The following LIPI variants were observed in gnomAD, a reference collection of about 807,000 sequenced individuals.
LIPI encodes lipase member I.
Under a neutral mutation model 50.6 loss-of-function variants are expected in LIPI, and 59 were observed. That is an observed-to-expected ratio of 1.16 (90% CI 0.94 to 1.45). The LOEUF is 1.45. LIPI is among the 40% of genes most tolerant of loss of function. LIPI has a pLI of 0.00. For missense variants in LIPI, 586 were observed against 536.3 expected (o/e 1.09, Z -0.92); for synonymous variants, 203 against 178.2 (o/e 1.14, Z -1.11).
intron 1 of LIPI, among the ~76,000 whole-genome samples, chr21:14,207,481 T>C (rs1247576146): frequency 1.3e-5 from 2 of 152,304 alleles, no homozygotes; most frequent in Non-Finnish European, 2.9e-5. Context: ...AACTCATTTA[T>C]GCAAATGTTA....
At chr21:14,201,339 A>C (rs976286671) in intron 1 of LIPI, among the ~76,000 whole-genome samples, 1 of 152,126 alleles carries the variant, frequency 6.6e-6, no homozygotes, top group African/African-American at 2.4e-5. Flanking sequence ...AATGGGAGAA[A>C]ATTTTTGCAA....
intron 1 of LIPI, among the ~76,000 whole-genome samples, chr21:14,192,433 C>T (rs1012308709): frequency 6.6e-6 from 1 of 152,166 alleles, no homozygotes; most frequent in Admixed American, 6.5e-5. Flanking sequence ...CACTGCACTC[C>T]AGCCTGGGTA....
In LIPI at chr21:14,196,582, T is replaced by C. The variant is rs917950776; in HGVS notation, c.47-7163A>G. Reference sequence around the variant, plus strand: ...TGGCTCACATCTGTAATCCCAGAACTCTGGGAGGCCAAGGCAGGAGAATAG... The same window carrying C: ...TGGCTCACATCTGTAATCCCAGAACCCTGGGAGGCCAAGGCAGGAGAATAG... On this transcript the variant is annotated intron_variant, in intron 1 of 9. Transcript: ENST00000681601. 3.9e-5 allele frequency among the ~76,000 whole-genome samples: 6 copies of C among 152,222 alleles called. No individual in the cohort carries two copies. In the East Asian group the frequency reaches 1.2e-3, roughly 29 times the overall value.
intron 7 of LIPI, among the ~76,000 whole-genome samples, chr21:14,156,910 A>G (rs2018293096): frequency 6.6e-6 from 1 of 151,918 alleles, no homozygotes; most frequent in African/African-American, 2.4e-5. Context: ...ATGAATAAGG[A>G]TGTTAATCTT....
chr21:14,150,266 T>C (rs903213118), intron 8 of LIPI, among the ~76,000 whole-genome samples: 4 of 152,210 alleles, frequency 2.6e-5, no homozygotes, highest in Non-Finnish European at 5.9e-5. Context: ...TGGGGATTAC[T>C]ACAATTCAAG....
intron 4 of LIPI, among the ~76,000 whole-genome samples, chr21:14,171,888 C>G (rs543836260): frequency 3.3e-5 from 5 of 149,354 alleles, no homozygotes; most frequent in African/African-American, 1.2e-4. Flanking sequence ...AACTAAAGAG[C>G]TTCTGCACAG....
chr21:14,191,765 T>C (rs556047557), intron 1 of LIPI, among the ~76,000 whole-genome samples: 3 of 152,172 alleles, frequency 2.0e-5, no homozygotes, highest in Admixed American at 6.5e-5. Flanking sequence ...CCCTAGAAAA[T>C]AGAACCTTAG....
intron 1 of LIPI, among the ~76,000 whole-genome samples, chr21:14,189,997 T>G (rs1269668164): frequency 6.6e-6 from 1 of 152,096 alleles, no homozygotes; most frequent in African/African-American, 2.4e-5. Flanking sequence ...TTAACAAATC[T>G]TTTTCTTAAT....
At chr21:14,187,514 G>A (rs977435738) in intron 2 of LIPI, among the ~76,000 whole-genome samples, 6 of 152,032 alleles carry the variant, frequency 3.9e-5, no homozygotes, top group Non-Finnish European at 8.8e-5. Context: ...GTAAGCAAAG[G>A]CACTGTTAGA....
At chr21:14,132,015 G>C (rs2017314556) in intron 9 of LIPI, among the ~76,000 whole-genome samples, 1 of 151,848 alleles carries the variant, frequency 6.6e-6, no homozygotes, top group Non-Finnish European at 1.5e-5. Context: ...AATCCAGTCG[G>C]GCAAAAAACA....
chr21:14,210,823 CAAAG>C lies in LIPI; in HGVS notation c.19_22del (p.Leu7ValfsTer2). On this transcript the variant is annotated frameshift_variant, in exon 1 of 10. Transcript: ENST00000681601. LOFTEE classifies it high-confidence loss of function. ...ACCAGATCTCACCCAGCACATCAAA[CAAAG>C]AAAAATGTATACTCTCATTTGGAAT... 8.1e-7 allele frequency: 1 copy of C among 1,228,080 alleles called. No homozygotes were observed. The highest frequency in any genetic ancestry group is 1.0e-6 in the Non-Finnish European group (1 of 953,774). The allele number at this position is 1,228,080 out of a possible 1,614,324, so 76.1% of individuals were successfully genotyped here.
intron 1 of LIPI, chr21:14,206,815 C>T (rs374233226): frequency 6.4e-7 from 1 of 1,567,606 alleles, no homozygotes; most frequent in Non-Finnish European, 8.8e-7. Flanking sequence ...AAGAGATTAC[C>T]TGATCTCAGG....
chr21:14,201,593 T>C (rs1307696844), intron 1 of LIPI, among the ~76,000 whole-genome samples: 1 of 152,178 alleles, frequency 6.6e-6, no homozygotes, highest in Non-Finnish European at 1.5e-5. Context: ...ACCATATGAT[T>C]ATCTCAGTAG....
intron 8 of LIPI, among the ~76,000 whole-genome samples, chr21:14,150,642 C>A (rs1277360076): frequency 1.3e-5 from 2 of 151,934 alleles, no homozygotes; most frequent in Non-Finnish European, 2.9e-5. Context: ...AATAATAGAT[C>A]ATGTGTGAAT....
intron 8 of LIPI, among the ~76,000 whole-genome samples, chr21:14,146,740 T>G (rs190670141): frequency 2.1e-3 from 316 of 150,534 alleles, no homozygotes; most frequent in Middle Eastern, 6.9e-3. Flanking sequence ...GTTCTCTAGA[T>G]TTCTCCTCTC....
At chr21:14,163,108 ATC>A (rs200087510) in intron 7 of LIPI, among the ~76,000 whole-genome samples, 2 of 137,270 alleles carry the variant, frequency 1.5e-5, no homozygotes, top group South Asian at 2.3e-4. Flanking sequence ...ATATATATAT[ATC>A]ATAGGCTCCT....
intron 9 of LIPI, among the ~76,000 whole-genome samples, chr21:14,122,495 A>G (rs2016901309): frequency 6.6e-6 from 1 of 152,218 alleles, no homozygotes; most frequent in South Asian, 2.1e-4. Flanking sequence ...ATATATTTTG[A>G]TGCCTGTCAG....
chr21:14,202,866 C>CAA (rs567718410), intron 1 of LIPI, among the ~76,000 whole-genome samples: 1 of 151,546 alleles, frequency 6.6e-6, no homozygotes. Flanking sequence ...TTCTGCACAG[C>CAA]AAAAAAAACT....
intron 9 of LIPI, among the ~76,000 whole-genome samples, chr21:14,126,832 G>A (rs1473605373): frequency 6.6e-6 from 1 of 152,132 alleles, no homozygotes. Flanking sequence ...TCAAACTTGG[G>A]CACAGTGGTT....
Sources: allele counts gnomAD v4.1 joint callset (sites outside exome capture counted in the v4.1 genomes callset), GRCh38; gene constraint gnomAD v4.1.1; transcripts MANE v1.5; gene names NCBI Gene and HGNC (gene_info 2026-07-23, HGNC 2026-07-21).